TTYH1: variants seen among roughly 807,000 people sequenced by gnomAD.
The protein encoded by TTYH1 is protein tweety homolog 1.
Under a neutral mutation model 61.2 loss-of-function variants are expected in TTYH1, and 33 were observed. The ratio of observed to expected loss-of-function variants is 0.54; its 90% CI spans 0.41 to 0.72. The LOEUF is 0.72. TTYH1 is among the 30% of genes least tolerant of loss of function. The pLI is 0.00. For missense variants in TTYH1, 538 were observed against 575.8 expected (o/e 0.93, Z 0.67); for synonymous variants, 308 against 266.4 (o/e 1.16, Z -1.52).
At position 54,416,647 on chromosome 19, in the gene TTYH1, T is replaced by G; in HGVS notation, c.126+969T>G. On this transcript the variant is annotated intron_variant, in intron 1 of 13. Coordinates refer to ENST00000376530, the MANE Select transcript of TTYH1 (RefSeq NM_020659.4). The surrounding 1 kb of genome is among the most constrained non-coding windows in gnomAD (Gnocchi z 7.0). The stretch of plus-strand genomic sequence containing the variant: ...GAGAGCTCAGGGGGCGTGGAGGGGG[T>G]CCCAGAAAAGCGCGGAGGGGATGAG... The G allele has an allele frequency of 2.3e-6, 2 of 860,696 alleles. No homozygotes were observed. The highest frequency in any genetic ancestry group is 3.0e-5 in the Admixed American group (1 of 33,620). 53.3% of individuals were successfully genotyped at this position (860,696 alleles called of 1,614,324 possible). A position where few individuals can be genotyped will look rare whatever the true frequency, so the allele number is the denominator to read the frequency against.
intron 1 of TTYH1, chr19:54,418,309 C>T (rs1452046027): frequency 6.6e-6 from 1 of 152,528 alleles, no homozygotes; most frequent in Non-Finnish European, 1.5e-5. Context: ...CTCTCCGCCT[C>T]TCTGTCCTTG....
In TTYH1 at chr19:54,436,534, C is replaced by T. The variant is rs1162153893; in HGVS notation, c.*244C>T. ...TGGCAGGGGAGGGGGCAGACAGCCTCGCCTCGCACCCTTCATCCCTGGCTG... is the reference window on the plus strand; with the variant it reads ...TGGCAGGGGAGGGGGCAGACAGCCTTGCCTCGCACCCTTCATCCCTGGCTG... On this transcript the variant is annotated 3_prime_UTR_variant, in exon 14 of 14. Transcript: ENST00000376530. This position sits in a 1 kb window ranked among gnomAD's most constrained non-coding sequence, Gnocchi z 4.3. The T allele has an allele frequency of 1.7e-5, 12 of 726,286 alleles. No individual in the cohort carries two copies. Among genetic ancestry groups the T allele is most frequent in the East Asian group, 8.1e-5 (3 of 36,988 alleles). The allele number at this position is 726,286 out of a possible 1,614,324, so 45.0% of individuals were successfully genotyped here. A position where few individuals can be genotyped will look rare whatever the true frequency, so the allele number is the denominator to read the frequency against.
In TTYH1 at chr19:54,429,766, C is replaced by T. The variant is rs982511238; in HGVS notation, c.808-116C>T. On this transcript the variant is annotated intron_variant, in intron 6 of 13. Coordinates refer to ENST00000376530, the MANE Select transcript of TTYH1 (RefSeq NM_020659.4). The surrounding 1 kb of genome is among the most constrained non-coding windows in gnomAD (Gnocchi z 5.1). Reference sequence around the variant, plus strand: ...ACTCCTGAGTCTGAGGGAAGAGGGGCTGGGACCTGGACCCCTGGGTGGGGA... The same window carrying T: ...ACTCCTGAGTCTGAGGGAAGAGGGGTTGGGACCTGGACCCCTGGGTGGGGA... 5 of 865,888 alleles carry T rather than the reference C, an allele frequency of 5.8e-6. No individual in the cohort carries two copies. Among genetic ancestry groups the T allele is most frequent in the Non-Finnish European group, 9.3e-6 (5 of 536,422 alleles). The allele number at this position is 865,888 out of a possible 1,614,324, so 53.6% of individuals were successfully genotyped here. A position where few individuals can be genotyped will look rare whatever the true frequency, so the allele number is the denominator to read the frequency against.
chr19:54,426,295 G>A (rs916153291), intron 4 of TTYH1, among the ~76,000 whole-genome samples: 1 of 152,192 alleles, frequency 6.6e-6, no homozygotes, highest in Non-Finnish European at 1.5e-5. Flanking sequence ...GCCCTCCAGG[G>A]ATGCGATGGG....
chr19:54,419,417 A>C lies in TTYH1; in HGVS notation c.305+111A>C. Reference sequence around the variant, plus strand: ...ATGGAGGAAGCAGACAGGAAGGAGGAAACTCCCTCGTCCCTGTCCCTGCCA... The same window carrying C: ...ATGGAGGAAGCAGACAGGAAGGAGGCAACTCCCTCGTCCCTGTCCCTGCCA... On this transcript the variant is annotated intron_variant, in intron 2 of 13. Transcript: ENST00000376530. The surrounding 1 kb of genome is among the most constrained non-coding windows in gnomAD (Gnocchi z 6.1). 1 of 1,185,542 alleles carries C rather than the reference A, an allele frequency of 8.4e-7. No homozygotes were observed. Among genetic ancestry groups the C allele is most frequent in the Non-Finnish European group, 1.2e-6 (1 of 826,792 alleles). The allele number at this position is 1,185,542 out of a possible 1,614,324, so 73.4% of individuals were successfully genotyped here. A position where few individuals can be genotyped will look rare whatever the true frequency, so the allele number is the denominator to read the frequency against.
chr19:54,416,566 G>A lies in TTYH1; in HGVS notation c.126+888G>A. On this transcript the variant is annotated intron_variant, in intron 1 of 13. Transcript: ENST00000376530. This position sits in a 1 kb window ranked among gnomAD's most constrained non-coding sequence, Gnocchi z 7.0. ...GACGGGTCCTGGCCCTGCTGATGGG[G>A]CCTGAGCCCCTGGGCTCCGTCTTGG... 2.7e-6 allele frequency: 1 copy of A among 365,626 alleles called. No individual in the cohort carries two copies. The highest frequency in any genetic ancestry group is 5.1e-6 in the Non-Finnish European group (1 of 197,952). The allele number at this position is 365,626 out of a possible 1,614,324, so 22.6% of individuals were successfully genotyped here.
intron 5 of TTYH1, among the ~76,000 whole-genome samples, chr19:54,427,980 G>A (rs951903254): frequency 1.3e-5 from 2 of 151,692 alleles, no homozygotes; most frequent in East Asian, 1.9e-4. Flanking sequence ...GCATGATCAC[G>A]GCTCACTACA....
At chr19:54,423,749 C>G (rs183278115) in intron 4 of TTYH1, among the ~76,000 whole-genome samples, 3 of 151,954 alleles carry the variant, frequency 2.0e-5, no homozygotes, top group Non-Finnish European at 2.9e-5. Flanking sequence ...GGTGGCGGGC[C>G]GGGCAGTGAG....
intron 5 of TTYH1, among the ~76,000 whole-genome samples, chr19:54,428,115 A>G (rs1050325625): frequency 2.5e-5 from 3 of 117,724 alleles, no homozygotes; most frequent in Non-Finnish European, 5.0e-5. Flanking sequence ...TTGAGCTGCA[A>G]TTTGGCTCTT....
intron 4 of TTYH1, among the ~76,000 whole-genome samples, chr19:54,423,670 G>T (rs1228605283): frequency 6.6e-6 from 1 of 152,176 alleles, no homozygotes; most frequent in East Asian, 1.9e-4. Flanking sequence ...TGTTGAGTTG[G>T]CATCTGAGTG....
chr19:54,421,502 C>T lies in TTYH1; in HGVS notation c.417+114C>T. On this transcript the variant is annotated intron_variant, in intron 3 of 13. Transcript: ENST00000376530. The surrounding 1 kb of genome is among the most constrained non-coding windows in gnomAD (Gnocchi z 4.8). ...AGACCCCAGGCTTGAAGCTTAGGAA[C>T]CCAGATTCAGAACTTCATCCTGAGA... 1.3e-6 allele frequency: 1 copy of T among 745,486 alleles called. No homozygotes were observed. Among genetic ancestry groups the T allele is most frequent in the South Asian group, 1.5e-5 (1 of 68,158 alleles). The allele number at this position is 745,486 out of a possible 1,614,324, so 46.2% of individuals were successfully genotyped here.
intron 12 of TTYH1, 58 bp downstream of exon 12, chr19:54,435,931 GA>G: frequency 6.2e-7 from 1 of 1,603,712 alleles, no homozygotes; most frequent in Non-Finnish European, 8.5e-7. Context: ...TCCTGGGTCT[GA>G]GGGAGGAGGA....
chr19:54,426,676 G>T lies in TTYH1; in HGVS notation c.642G>T (p.Trp214Cys), dbSNP rs1485150042. Reference protein sequence around the residue: ...ENVSFVEEYRWLAYVLLLLLE... With the variant: ...ENVSFVEEYRCLAYVLLLLLE... ...GCCCTACCCTCTCCCCTCCCAGGTG[G>T]CTGGCCTACGTCCTCCTGCTGCTCC... Residue 214 changes from tryptophan to cysteine, a missense_variant, in exon 5 of 14, where the codon TGG becomes TGT. Around this residue, in one of 3 missense-constraint regions of TTYH1, gnomAD observed 378 missense variants for 401.2 expected, o/e 0.94. Transcript: ENST00000376530. 2.5e-6 allele frequency: 4 copies of T among 1,613,560 alleles called. No individual in the cohort carries two copies. Among genetic ancestry groups the T allele is most frequent in the Non-Finnish European group, 3.4e-6 (4 of 1,179,896 alleles).
At chr19:54,430,778 C>G in intron 8 of TTYH1, 35 bp from the exon 9 acceptor site, 1 of 1,607,210 alleles carries the variant, frequency 6.2e-7, no homozygotes, top group South Asian at 1.1e-5. Flanking sequence ...GGCGTATACT[C>G]CTGGGTCCTC....
chr19:54,420,711 CG>C lies in TTYH1; in HGVS notation c.306-563del. Reference sequence around the variant, plus strand: ...CCCAGCTGGCCCGACGCTTGGGTCCCGGGTGGGGGAAGGCCGAGAGCTCCAG... The same window carrying C: ...CCCAGCTGGCCCGACGCTTGGGTCCCGGTGGGGGAAGGCCGAGAGCTCCAG... On this transcript the variant is annotated intron_variant, in intron 2 of 13. Transcript: ENST00000376530. The surrounding 1 kb of genome is among the most constrained non-coding windows in gnomAD (Gnocchi z 4.8). The C allele has an allele frequency of 5.9e-6, 1 of 168,472 alleles. No individual in the cohort carries two copies. 10.4% of individuals were successfully genotyped at this position (168,472 alleles called of 1,614,324 possible).
Position 54,422,259 on chromosome 19 carries a change from G to GAGCC in TTYH1, c.488_491dup (p.Arg165AlafsTer41). ...GCTGACCACCCTGGAGGAGGTGCTC[G>GAGCC]AGCCGCGCACGGAGCTGGTGGCTGC... On this transcript the variant is annotated frameshift_variant, in exon 4 of 14. Coordinates refer to ENST00000376530, the MANE Select transcript of TTYH1 (RefSeq NM_020659.4). LOFTEE classifies it high-confidence loss of function. The GAGCC allele has an allele frequency of 6.4e-7, 1 of 1,565,842 alleles. No homozygotes were observed. The highest frequency in any genetic ancestry group is 8.7e-7 in the Non-Finnish European group (1 of 1,155,576).
chr19:54,435,738 T>G (rs1202411436), intron 11 of TTYH1, 54 bp downstream of exon 11: 17 of 1,610,990 alleles, frequency 1.1e-5, no homozygotes, highest in Middle Eastern at 1.6e-4. Flanking sequence ...GGGCAGCACC[T>G]GGGGACCACG....
intron 1 of TTYH1, among the ~76,000 whole-genome samples, chr19:54,418,033 C>T (rs1350969250): frequency 1.4e-5 from 2 of 148,024 alleles, no homozygotes; most frequent in African/African-American, 5.0e-5. Flanking sequence ...CACACTGTGC[C>T]ACTGTGTGTG....
In TTYH1 at chr19:54,436,057, C is replaced by G; in HGVS notation, c.1315-34C>G. 6.2e-7 allele frequency: 1 copy of G among 1,610,286 alleles called. No individual in the cohort carries two copies. The highest frequency in any genetic ancestry group is 8.5e-7 in the Non-Finnish European group (1 of 1,176,856). Reference sequence around the variant, plus strand: ...ACAAAGCCAATTCCCACTCCATTCCCTCCTCTCCCCCGCTACCCCGAATCT... The same window carrying G: ...ACAAAGCCAATTCCCACTCCATTCCGTCCTCTCCCCCGCTACCCCGAATCT... On this transcript the variant is annotated intron_variant, in intron 12 of 13. Transcript: ENST00000376530. This position sits in a 1 kb window ranked among gnomAD's most constrained non-coding sequence, Gnocchi z 4.3.
Sources: gnomAD v4.1 joint callset for allele counts (sites outside exome capture counted in the v4.1 genomes callset) on GRCh38, gnomAD v4.1.1 for gene constraint, gnomAD v4.1.1 regional missense constraint, Gnocchi (gnomAD v3.1) non-coding constraint, MANE v1.5 for transcripts, NCBI Gene and HGNC (gene_info 2026-07-23, HGNC 2026-07-21) for gene names.